The following GTPBP1 variants were observed in gnomAD, a reference collection of about 807,000 sequenced individuals.
GTPBP1 encodes the protein GTP-binding protein 1.
A neutral mutation model predicts 62.0 loss-of-function variants in GTPBP1; 23 were observed. That is an observed-to-expected ratio of 0.37 (90% CI 0.27 to 0.53). The LOEUF is 0.53. Among genes scored for constraint, GTPBP1 ranks in the 20% least tolerant of loss-of-function variants. The pLI, the probability that GTPBP1 is intolerant of heterozygous loss-of-function variation, is 0.89. For missense variants in GTPBP1, 640 were observed against 917.3 expected (o/e 0.70, Z 3.90); for synonymous variants, 344 against 364.4 (o/e 0.94, Z 0.64).
In GTPBP1 at chr22:38,716,707, A is replaced by G. The variant is rs1473557734; in HGVS notation, c.541A>G (p.Thr181Ala). ...CAAAAGCACGCTTCTGGGGGTCCTGACACATGGGGAGCTGGACAATGGCCG... is the reference window on the plus strand; with the variant it reads ...CAAAAGCACGCTTCTGGGGGTCCTGGCACATGGGGAGCTGGACAATGGCCG... ...AGKSTLLGVL[T>A]HGELDNGRGF... is the part of the protein sequence containing the mutation. Residue 181 changes from threonine to alanine, a missense_variant, in exon 4 of 12, where the codon ACA (threonine) becomes GCA (alanine). Transcript: ENST00000216044. This position sits in a 1 kb window ranked among gnomAD's most constrained non-coding sequence, Gnocchi z 5.2. 16 of 1,614,032 alleles carry G rather than the reference A, an allele frequency of 9.9e-6. No individual in the cohort carries two copies. Among genetic ancestry groups the G allele is most frequent in the Non-Finnish European group, 1.4e-5 (16 of 1,180,024 alleles).
chr22:38,721,574 T>C (rs1039709261), intron 4 of GTPBP1, among the ~76,000 whole-genome samples, 168 bp from the exon 5 acceptor site: 2 of 152,232 alleles, frequency 1.3e-5, no homozygotes, highest in African/African-American at 4.8e-5. Context: ...ATCTTTTTTA[T>C]TGTTTGCAAG....
At chr22:38,741,841 G>GC (rs750617696), downstream of GTPBP1, among the ~76,000 whole-genome samples, 4 of 152,214 alleles carry the variant, frequency 2.6e-5, no homozygotes, top group Non-Finnish European at 5.9e-5. Flanking sequence ...GGAAACTGAG[G>GC]CTTAGAGAAG....
At position 38,724,382 on chromosome 22, in the gene GTPBP1, T is replaced by C. The variant is rs988422272; in HGVS notation, c.1044T>C (p.Ile348=). 6.8e-6 allele frequency: 11 copies of C among 1,611,276 alleles called. No individual in the cohort carries two copies. Among genetic ancestry groups the C allele is most frequent in the African/African-American group, 1.3e-5 (1 of 74,800 alleles). ...PVLVQSKDDV[I]VTASNFSSER... ...TGGTGCAGAGCAAAGATGATGTGAT[T>C]GTCACAGCCTCCAACTTCAGCTCTG... Residue 348 remains isoleucine (I), a synonymous_variant, in exon 6 of 12, where the codon ATT becomes ATC. Transcript: ENST00000216044.
downstream of GTPBP1, chr22:38,740,418 G>A (rs189897179): frequency 1.7e-5 from 26 of 1,547,388 alleles, no homozygotes; most frequent in East Asian, 5.4e-4. The surrounding 1 kb of genome is among the most constrained non-coding windows in gnomAD (Gnocchi z 4.8). Context: ...CTCCTGGAAG[G>A]ACTCCTGGGT....
intron 4 of GTPBP1, among the ~76,000 whole-genome samples, chr22:38,720,288 T>G (rs944353453): frequency 6.6e-6 from 1 of 151,508 alleles, no homozygotes; most frequent in African/African-American, 2.4e-5. Context: ...GGCGCAATCT[T>G]GGCTCACTGC....
Position 38,727,113 on chromosome 22 carries a change from G to C in GTPBP1, c.1402-100G>C. On this transcript the variant is annotated intron_variant, in intron 8 of 11. Transcript: ENST00000216044. This position sits in a 1 kb window ranked among gnomAD's most constrained non-coding sequence, Gnocchi z 6.5. ...TGGTGAGGAAACCAGGCAGAGTTGG[G>C]GTGGTCCCTATCCCTAGAAAGACTC... 4.3e-6 allele frequency: 5 copies of C among 1,176,340 alleles called. No individual in the cohort carries two copies. Among genetic ancestry groups the C allele is most frequent in the Non-Finnish European group, 5.9e-6 (5 of 852,708 alleles). The allele number at this position is 1,176,340 out of a possible 1,614,324, so 72.9% of individuals were successfully genotyped here.
downstream of GTPBP1, chr22:38,738,141 G>C (rs374339478): frequency 1.2e-6 from 2 of 1,601,860 alleles, no homozygotes; most frequent in Admixed American, 3.3e-5. This position sits in a 1 kb window ranked among gnomAD's most constrained non-coding sequence, Gnocchi z 6.6. Flanking sequence ...GGGAGTCTGC[G>C]CCACTTCTGC....
At position 38,729,502 on chromosome 22, in the gene GTPBP1, C is replaced by T. The variant is rs754603028; in HGVS notation, c.1757C>T (p.Pro586Leu). The change falls in exon 11 of 12, where the codon CCG becomes CTG. Residue 586 changes from proline (P) to leucine (L), a missense_variant. By Grantham distance (98) the Pro-to-Leu change is moderately conservative. This residue lies in a region of GTPBP1 where 220 missense variants were observed against 358.1 expected (regional missense o/e 0.61). Transcript: ENST00000216044. The stretch of plus-strand genomic sequence containing the variant: ...AACAACTCCCCAATGAACTCCAAGC[C>T]GCAGCAGATTAAAATGCAGTCGACG... ...TTNNSPMNSKPQQIKMQSTKK... is the reference protein window; with the variant it reads ...TTNNSPMNSKLQQIKMQSTKK... 2.3e-5 allele frequency: 37 copies of T among 1,609,496 alleles called. No individual in the cohort carries two copies. Among genetic ancestry groups the T allele is most frequent in the South Asian group, 6.6e-5 (6 of 90,572 alleles).
At chr22:38,719,431 C>A (rs1603184531) in intron 4 of GTPBP1, among the ~76,000 whole-genome samples, 1 of 152,132 alleles carries the variant, frequency 6.6e-6, no homozygotes, top group Non-Finnish European at 1.5e-5. Context: ...TCTCAGCCTC[C>A]CAAGTACCTA....
In GTPBP1 at chr22:38,727,182, C is replaced by G. The variant is rs2092731140; in HGVS notation, c.1402-31C>G. 1 of 1,539,482 alleles carries G rather than the reference C, an allele frequency of 6.5e-7. No individual in the cohort carries two copies. The highest frequency in any genetic ancestry group is 8.8e-7 in the Non-Finnish European group (1 of 1,140,916). On this transcript the variant is annotated intron_variant, in intron 8 of 11. Transcript: ENST00000216044. The surrounding 1 kb of genome is among the most constrained non-coding windows in gnomAD (Gnocchi z 6.5). ...GGTGAAACCAGAAGGCATAATTGTC[C>G]CTGAGGGCTGGGGCTCCCTCTTTCT...
intron 4 of GTPBP1, 93 bp from the exon 5 acceptor site, chr22:38,721,649 G>GC: frequency 7.9e-7 from 1 of 1,265,206 alleles, no homozygotes; most frequent in Non-Finnish European, 1.1e-6. Flanking sequence ...GCCCAGCCCA[G>GC]CTTTCATCCA....
intron 1 of GTPBP1, chr22:38,706,605 A>T (rs1332925964): frequency 3.1e-5 from 5 of 160,630 alleles, no homozygotes; most frequent in African/African-American, 9.6e-5. Context: ...CGAGACGCTC[A>T]TGAAGACAGG....
downstream of GTPBP1, among the ~76,000 whole-genome samples, chr22:38,742,142 CAAAAAGAAAAAAA>C (rs994893846): frequency 2.7e-4 from 38 of 143,192 alleles, no homozygotes; most frequent in Admixed American, 1.1e-3. Context: ...GATATTGTCT[CAAAAAGAAAAAAA>C]AAAAAGAAAA....
In GTPBP1 at chr22:38,708,860, C is replaced by G; in HGVS notation, c.208C>G (p.Pro70Ala). 1.2e-6 allele frequency: 2 copies of G among 1,604,460 alleles called. No individual in the cohort carries two copies. The highest frequency in any genetic ancestry group is 1.7e-6 in the Non-Finnish European group (2 of 1,171,194). Residue 70 changes from proline (P) to alanine (A), a missense_variant, in exon 2 of 12, where the codon CCT becomes GCT. Around this residue, in one of 4 missense-constraint regions of GTPBP1, gnomAD observed 215 missense variants for 235.1 expected, o/e 0.91. Transcript: ENST00000216044. The stretch of plus-strand genomic sequence containing the variant: ...TCTTTTCTAGCTGGTTCTAGTGAGC[C>G]CTACATCAGAGCAGTATGACAGCCT... ...DLTSKLVLVS[P>A]TSEQYDSLLR...
At chr22:38,739,799 C>T (rs753766628), downstream of GTPBP1, 16 of 1,613,558 alleles carry the variant, frequency 9.9e-6, no homozygotes, top group Non-Finnish European at 1.1e-5. The surrounding 1 kb of genome is among the most constrained non-coding windows in gnomAD (Gnocchi z 6.7). Flanking sequence ...GCCGACTTGC[C>T]CTGCATCTCT....
At chr22:38,728,206 G>T in intron 10 of GTPBP1, 45 bp downstream of exon 10, 2 of 1,385,434 alleles carry the variant, frequency 1.4e-6, no homozygotes, top group Non-Finnish European at 2.0e-6. Flanking sequence ...AGCACCAGGG[G>T]CCACTCCTGT....
At chr22:38,735,909 C>T (rs2092800716), downstream of GTPBP1, 2 of 209,636 alleles carry the variant, frequency 9.5e-6, no homozygotes, top group Non-Finnish European at 2.0e-5. Context: ...TCCCACAGCC[C>T]TGGCACCTGC....
At chr22:38,714,957 C>T (rs2092661418) in intron 2 of GTPBP1, among the ~76,000 whole-genome samples, 1 of 152,178 alleles carries the variant, frequency 6.6e-6, no homozygotes, top group Admixed American at 6.5e-5. Flanking sequence ...TGATTCCCTT[C>T]CTTGTCCTGA....
chr22:38,719,311 T>C (rs1291713648), intron 4 of GTPBP1, among the ~76,000 whole-genome samples: 1 of 150,844 alleles, frequency 6.6e-6, no homozygotes, highest in African/African-American at 2.4e-5. Context: ...CCAGCCTGAT[T>C]TAATATTTTT....
Sources: allele counts gnomAD v4.1 joint callset (sites outside exome capture counted in the v4.1 genomes callset), GRCh38; gene constraint gnomAD v4.1.1; regional missense constraint gnomAD v4.1.1; non-coding constraint Gnocchi (gnomAD v3.1); transcripts MANE v1.5; gene names NCBI Gene and HGNC (gene_info 2026-07-23, HGNC 2026-07-21).